Variants in CEP72 observed in about 807,000 individuals in gnomAD.
CEP72 encodes the protein centrosomal protein of 72 kDa.
A neutral mutation model predicts 65.7 loss-of-function variants in CEP72; 78 were observed. That is an observed-to-expected ratio of 1.19 (90% CI 0.99 to 1.43). CEP72 has a LOEUF of 1.43. Among genes scored for constraint, CEP72 ranks in the 40% most tolerant of loss-of-function variants. The probability of loss-of-function intolerance (pLI) is 0.00; values close to 1 mark genes in which losing one functional copy is unlikely to be tolerated. For synonymous variants in CEP72, 358 were observed against 351.7 expected (o/e 1.02, Z -0.20); for missense variants, 914 against 832.9 (o/e 1.10, Z -1.20).
At chr5:614,125 T>C (rs1352002522) in intron 1 of CEP72, among the ~76,000 whole-genome samples, 1 of 152,266 alleles carries the variant, frequency 6.6e-6, no homozygotes, top group Non-Finnish European at 1.5e-5. Flanking sequence ...GTGAATGTTA[T>C]TGATAGTTTC....
intron 2 of CEP72, 26 bp from the exon 3 acceptor site, chr5:620,043 G>T (rs1215157902): frequency 6.3e-7 from 1 of 1,576,548 alleles, no homozygotes; most frequent in Admixed American, 1.7e-5. Context: ...AAGTGTGAAT[G>T]AATTCACTGT....
In CEP72 at chr5:665,836, G is replaced by A. The variant is rs1173463796; in HGVS notation, n.434-105G>A. ...CACCAGGCCACGCCCTCCTGACCAC[G>A]CCTCCCAGGACCCCCCCCAGGTCAC... On this transcript the variant is annotated intron_variant and non_coding_transcript_variant, in intron 3 of 4. Coordinates refer to the CEP72 transcript ENST00000514507. 4 of 970,148 alleles carry A rather than the reference G, an allele frequency of 4.1e-6. No individual in the cohort carries two copies. In the East Asian group the frequency reaches 1.0e-4, roughly 24 times the overall value. 60.1% of individuals were successfully genotyped at this position (970,148 alleles called of 1,614,324 possible). A position where few individuals can be genotyped will look rare whatever the true frequency, so the allele number is the denominator to read the frequency against.
At chr5:670,558 A>G (rs418441), downstream of CEP72, among the ~76,000 whole-genome samples, 106,921 of 152,026 alleles carry the variant, frequency 0.7, 38,588 homozygotes, top group African/African-American at 0.88. Flanking sequence ...GCTGGGCCCC[A>G]CGGGGGGAGG....
chr5:674,724 G>C, the CEP72 span, among the ~76,000 whole-genome samples: 1 of 151,984 alleles, frequency 6.6e-6, no homozygotes, highest in Non-Finnish European at 1.5e-5. Context: ...GAGGCTGCAG[G>C]TTTCCAGCAG....
Position 640,523 on chromosome 5 carries a change from C to T in CEP72, c.1458C>T (p.Ser486=). The change falls in exon 9 of 12, where the codon AGC becomes AGT. Residue 486 remains serine (S), a synonymous_variant. Transcript: ENST00000264935. ...SLALESKSLQ[S]RLAEQQQQHA... is the part of the protein sequence containing the mutation. ...CTCTGGAGAGTAAGTCCCTGCAAAGCCGCCTTGCTGAGCAGCAGCAGCAGC... is the reference window on the plus strand; with the variant it reads ...CTCTGGAGAGTAAGTCCCTGCAAAGTCGCCTTGCTGAGCAGCAGCAGCAGC... The T allele has an allele frequency of 6.2e-7, 1 of 1,614,196 alleles. No individual in the cohort carries two copies. Among genetic ancestry groups the T allele is most frequent in the Non-Finnish European group, 8.5e-7 (1 of 1,180,042 alleles).
At chr5:615,276 C>T (rs1735923218) in intron 1 of CEP72, among the ~76,000 whole-genome samples, 1 of 151,912 alleles carries the variant, frequency 6.6e-6, no homozygotes, top group Admixed American at 6.6e-5. Context: ...GCTGGGATTA[C>T]AGGCGCCTGC....
rs986551574 is a variant in CEP72 at position 642,306 on chromosome 5, G to C, written c.1539+1702G>C. 5.1e-5 allele frequency: 50 copies of C among 983,990 alleles called. No individual in the cohort carries two copies. In the African/African-American group the frequency reaches 8.6e-4, roughly 17 times the overall value. The allele number at this position is 983,990 out of a possible 1,614,324, so 61.0% of individuals were successfully genotyped here. ...GAAGCCTCTGTATTTAAACACACAT[G>C]GCCCCTCATCTGGTGGAAGCCTCTG... On this transcript the variant is annotated intron_variant, in intron 9 of 11. Coordinates refer to ENST00000264935, the MANE Select transcript of CEP72 (RefSeq NM_018140.4).
At chr5:650,228 TG>T (rs201199088) in intron 11 of CEP72, among the ~76,000 whole-genome samples, 7 of 54,850 alleles carry the variant, frequency 1.3e-4, no homozygotes, top group Admixed American at 2.2e-4. Flanking sequence ...CTGTGAGGCG[TG>T]GACTGTGAGG....
At chr5:622,284 A>G (rs1697991) in intron 3 of CEP72, among the ~76,000 whole-genome samples, 96,005 of 152,136 alleles carry the variant, frequency 0.63, 30,488 homozygotes, top group Non-Finnish European at 0.66. Flanking sequence ...CGATCAAAAC[A>G]ATTTTTCTCT....
intron 4 of CEP72, among the ~76,000 whole-genome samples, chr5:625,468 A>T (rs1169488535): frequency 6.6e-6 from 1 of 152,192 alleles, no homozygotes; most frequent in Non-Finnish European, 1.5e-5. Flanking sequence ...CTGCCTTTGC[A>T]GGGCGGAGGC....
chr5:619,672 A>G (rs375996051), intron 2 of CEP72, among the ~76,000 whole-genome samples: 1 of 152,238 alleles, frequency 6.6e-6, no homozygotes, highest in Non-Finnish European at 1.5e-5. Flanking sequence ...GACCTAGCCC[A>G]GGCTACACCC....
At chr5:641,759 C>CTTAA (rs1008349937) in intron 9 of CEP72, 1 of 983,606 alleles carries the variant, frequency 1.0e-6, no homozygotes, top group African/African-American at 1.8e-5. Flanking sequence ...GAAGCCTGTG[C>CTTAA]ATTTAAGCAC....
downstream of CEP72, chr5:661,301 C>T (rs1229659106): frequency 6.6e-6 from 1 of 152,624 alleles, no homozygotes; most frequent in African/African-American, 2.5e-5. Flanking sequence ...AGAACCTGTC[C>T]CTGTCTCCTC....
chr5:614,333 T>C (rs1735859196), intron 1 of CEP72, among the ~76,000 whole-genome samples: 1 of 152,196 alleles, frequency 6.6e-6, no homozygotes, highest in African/African-American at 2.4e-5. Context: ...CAAGTTTCCC[T>C]GTAAGCACTG....
At chr5:638,998 CG>C in intron 7 of CEP72, 90 bp from the exon 8 acceptor site, 1 of 1,528,652 alleles carries the variant, frequency 6.5e-7, no homozygotes, top group Non-Finnish European at 9.0e-7. Flanking sequence ...CTTCGTGGTG[CG>C]AGGGCATCCC....
At chr5:612,546 C>T (rs1392475915) in intron 1 of CEP72, 103 bp downstream of exon 1, 7 of 1,255,528 alleles carry the variant, frequency 5.6e-6, no homozygotes, top group Admixed American at 4.3e-5. Flanking sequence ...GACCCGTCTA[C>T]GCAGGCGCCG....
rs190487003 is a variant in CEP72, at chr5:636,601, A to C, written c.905-916A>C. Among the ~76,000 whole-genome samples the C allele has an allele frequency of 6.3e-3, 965 of 152,292 alleles. 8 individuals are homozygous for C. The highest frequency in any genetic ancestry group is 0.027 in the Middle Eastern group (8 of 294). ...CGAGGCAGGCGGATCATTTGAGGTCAGGAGTTTAAGACCAGCCTGGCCAAC... is the reference window on the plus strand; with the variant it reads ...CGAGGCAGGCGGATCATTTGAGGTCCGGAGTTTAAGACCAGCCTGGCCAAC... On this transcript the variant is annotated intron_variant, in intron 6 of 11. Coordinates refer to ENST00000264935, the MANE Select transcript of CEP72 (RefSeq NM_018140.4).
downstream of CEP72, among the ~76,000 whole-genome samples, chr5:670,959 CAG>C (rs899944330): frequency 6.6e-6 from 1 of 152,216 alleles, no homozygotes; most frequent in Non-Finnish European, 1.5e-5. Flanking sequence ...CTACTTGGCT[CAG>C]AGGATGGATG....
At chr5:667,851 G>A (rs1198797034), downstream of CEP72, among the ~76,000 whole-genome samples, 4 of 134,236 alleles carry the variant, frequency 3.0e-5, no homozygotes, top group East Asian at 6.8e-4. Flanking sequence ...GGTCCGCGTG[G>A]GCGCCGTCAG....
Sources: gnomAD v4.1 joint callset for allele counts (sites outside exome capture counted in the v4.1 genomes callset) on GRCh38, gnomAD v4.1.1 for gene constraint, MANE v1.5 for transcripts, NCBI Gene and HGNC (gene_info 2026-07-23, HGNC 2026-07-21) for gene names.